The following CACNA1I variants were observed in gnomAD, a reference collection of about 807,000 sequenced individuals.
The protein encoded by CACNA1I is voltage-dependent T-type calcium channel subunit alpha-1I.
In CACNA1I, 74 loss-of-function variants were observed where a neutral mutation model predicts 201.6. The ratio of observed to expected loss-of-function variants is 0.37; its 90% CI spans 0.30 to 0.45. The LOEUF (loss-of-function observed/expected upper bound fraction) is 0.45. CACNA1I is among the 20% of genes least tolerant of loss of function. CACNA1I has a pLI of 1.00. For missense variants in CACNA1I, 2,346 were observed against 3,138.1 expected, an observed-to-expected ratio of 0.75 and a Z score of 6.03; for synonymous variants, 1,431 against 1,345.2, an observed-to-expected ratio of 1.06 and a Z score of -1.40.
Position 39,631,571 on chromosome 22 carries a change from C to T in CACNA1I, c.581-2994C>T, listed in dbSNP as rs533090686. On this transcript the variant is annotated intron_variant, in intron 4 of 36. Coordinates refer to ENST00000402142, the MANE Select transcript of CACNA1I (RefSeq NM_021096.4). ...ACTGCCTGGAGGAGGAGGGTTTGGC[C>T]GGGGGAAGGTGTGGTGGGAGATGAA... Among the ~76,000 whole-genome samples the T allele has an allele frequency of 2.6e-4, 39 of 152,182 alleles. No individual in the cohort carries two copies. In the East Asian group the frequency reaches 5.2e-3, roughly 20 times the overall value.
chr22:39,689,029 G>A lies in CACNA1I; in HGVS notation c.*2624G>A, dbSNP rs972921017. On this transcript the variant is annotated 3_prime_UTR_variant, in exon 37 of 37. Transcript: ENST00000402142. ...CTGGCCAGGACAAGTCAACATGGGT[G>A]AGGGTTGGGCAAAGGGCCCTTCCTT... 6.5e-6 allele frequency: 1 copy of A among 152,788 alleles called. No individual in the cohort carries two copies. Among genetic ancestry groups the A allele is most frequent in the African/African-American group, 2.4e-5 (1 of 41,472 alleles). 9.5% of individuals were successfully genotyped at this position (152,788 alleles called of 1,614,324 possible). A position where few individuals can be genotyped will look rare whatever the true frequency, so the allele number is the denominator to read the frequency against.
chr22:39,646,844 C>G lies in CACNA1I; in HGVS notation c.1425C>G (p.Ala475=). Residue 475 remains alanine (A), a synonymous_variant, in exon 8 of 37, where the codon GCC becomes GCG. Coordinates refer to ENST00000402142, the MANE Select transcript of CACNA1I (RefSeq NM_021096.4). ...TGGGCCCGGAGGCCCCGGCCCCCGCCAAACCTGGGCCCCACGCCAAGGAGC... is the reference window on the plus strand; with the variant it reads ...TGGGCCCGGAGGCCCCGGCCCCCGCGAAACCTGGGCCCCACGCCAAGGAGC... The part of the protein sequence containing the change: ...QALGPEAPAP[A]KPGPHAKEPR... 6.6e-7 allele frequency: 1 copy of G among 1,526,448 alleles called. No individual in the cohort carries two copies. Among genetic ancestry groups the G allele is most frequent in the Non-Finnish European group, 8.8e-7 (1 of 1,137,778 alleles). The allele number at this position is 1,526,448 out of a possible 1,614,324, so 94.6% of individuals were successfully genotyped here.
At chr22:39,662,481 A>G in intron 17 of CACNA1I, 46 bp downstream of exon 17, 1 of 1,323,662 alleles carries the variant, frequency 7.6e-7, no homozygotes, top group East Asian at 2.8e-5. Context: ...GTGGGATAGG[A>G]CAGAAGTGGG....
intron 3 of CACNA1I, among the ~76,000 whole-genome samples, chr22:39,618,691 T>C (rs981575129): frequency 3.3e-4 from 35 of 106,324 alleles, no homozygotes; most frequent in Middle Eastern, 9.5e-3. Flanking sequence ...GCTGAAGTCC[T>C]GGGGTGGGAG....
At chr22:39,574,671 T>C (rs1932288435) in intron 1 of CACNA1I, among the ~76,000 whole-genome samples, 1 of 143,284 alleles carries the variant, frequency 7.0e-6, no homozygotes. Context: ...TCAATAGTAG[T>C]AGTGTCCTTC....
At chr22:39,626,295 G>C (rs913493751) in intron 4 of CACNA1I, among the ~76,000 whole-genome samples, 1 of 152,306 alleles carries the variant, frequency 6.6e-6, no homozygotes, top group Middle Eastern at 3.4e-3. Context: ...TGGGTGTAGA[G>C]AGCTGCGTGC....
rs539582546 is a variant in CACNA1I, at chr22:39,618,321, G to A, written c.483-989G>A. 2.6e-5 allele frequency among the ~76,000 whole-genome samples: 4 copies of A among 151,714 alleles called. No individual in the cohort carries two copies. The South Asian group carries it at 8.3e-4, about 32-fold the overall frequency. ...TGCAGGTGTGTGATTATGTGCGTGT[G>A]TGTGATTGTGCAGGTGTGTGTTTGT... On this transcript the variant is annotated intron_variant, in intron 3 of 36. Coordinates refer to ENST00000402142, the MANE Select transcript of CACNA1I (RefSeq NM_021096.4).
rs1935416584 is a variant in CACNA1I, at chr22:39,673,027, C to T, written c.4728C>T (p.Ala1576=). 2 of 1,613,796 alleles carry T rather than the reference C, an allele frequency of 1.2e-6. No homozygotes were observed. Among genetic ancestry groups the T allele is most frequent in the South Asian group, 1.1e-5 (1 of 91,074 alleles). ...ITLEEIEINA[A]LPINPTIIRI... ...TGGAGGAGATCGAGATCAATGCGGC[C>T]CTGCCCATCAATCCCACCATCATCC... The change falls in exon 28 of 37, where the codon GCC becomes GCT. Residue 1576 remains alanine (A), a synonymous_variant. Coordinates refer to ENST00000402142, the MANE Select transcript of CACNA1I (RefSeq NM_021096.4).
chr22:39,598,110 G>T, intron 1 of CACNA1I, 41 bp from the exon 2 acceptor site: 1 of 1,306,914 alleles, frequency 7.7e-7, no homozygotes, highest in East Asian at 2.5e-5. Context: ...AGCCCCCACG[G>T]GCGATCCCAC....
chr22:39,594,476 G>A (rs1932856543), intron 1 of CACNA1I, among the ~76,000 whole-genome samples: 1 of 152,190 alleles, frequency 6.6e-6, no homozygotes, highest in African/African-American at 2.4e-5. Flanking sequence ...CAGGCTCGAA[G>A]GGGGCCCTGG....
At chr22:39,670,737 C>A in intron 25 of CACNA1I, 66 bp from the exon 26 acceptor site, 1 of 1,501,368 alleles carries the variant, frequency 6.7e-7, no homozygotes, top group Non-Finnish European at 9.3e-7. Flanking sequence ...GTCCTTTGTG[C>A]TCTGTGCCCT....
intron 1 of CACNA1I, among the ~76,000 whole-genome samples, chr22:39,578,771 T>A (rs1278150615): frequency 6.6e-6 from 1 of 152,200 alleles, no homozygotes; most frequent in Non-Finnish European, 1.5e-5. Flanking sequence ...ACTCGAGGTC[T>A]CCACCATCTG....
At position 39,672,288 on chromosome 22, in the gene CACNA1I, G is replaced by A. The variant is rs765321463; in HGVS notation, c.4629G>A (p.Leu1543=). The A allele has an allele frequency of 2.3e-5, 37 of 1,613,088 alleles. No homozygotes were observed. The highest frequency in any genetic ancestry group is 3.1e-5 in the Non-Finnish European group (36 of 1,179,368). Residue 1543 remains leucine (L), a synonymous_variant, in exon 27 of 37, where the codon CTG becomes CTA. Coordinates refer to ENST00000402142, the MANE Select transcript of CACNA1I (RefSeq NM_021096.4). Reference sequence around the variant, plus strand: ...TGCTGAAGCTGGTGGCATTTGGTCTGAGGCGCTTCTTCAAGGACCGGTGAG... The same window carrying A: ...TGCTGAAGCTGGTGGCATTTGGTCTAAGGCGCTTCTTCAAGGACCGGTGAG... The part of the protein sequence containing the change: ...EAVLKLVAFG[L]RRFFKDRWNQ...
At chr22:39,632,059 C>T (rs766346092) in intron 4 of CACNA1I, among the ~76,000 whole-genome samples, 27 of 152,008 alleles carry the variant, frequency 1.8e-4, no homozygotes, top group Non-Finnish European at 2.9e-4. Context: ...GGAAGCCAGC[C>T]GGATAGGTTT....
In CACNA1I at chr22:39,658,295, C is replaced by T; in HGVS notation, c.2136C>T (p.Val712=). ...NPYNIFDSII[V]IISIWEIVGQ... ...ACAACATCTTCGACAGCATCATTGT[C>T]ATCATCAGGTACCCCTCCCCCAACC... Residue 712 remains valine, a synonymous_variant, in exon 11 of 37, where the codon GTC becomes GTT. Transcript: ENST00000402142. The T allele has an allele frequency of 1.9e-6, 3 of 1,613,824 alleles. No individual in the cohort carries two copies. The highest frequency in any genetic ancestry group is 2.5e-6 in the Non-Finnish European group (3 of 1,179,794).
chr22:39,592,861 C>T (rs890620196), intron 1 of CACNA1I, among the ~76,000 whole-genome samples: 11 of 152,212 alleles, frequency 7.2e-5, no homozygotes, highest in African/African-American at 2.7e-4. Context: ...TGACTCCCCC[C>T]GCCACCCTCC....
At chr22:39,668,261 C>G (rs773018722) in intron 23 of CACNA1I, 31 bp from the exon 24 acceptor site, 2 of 1,401,804 alleles carry the variant, frequency 1.4e-6, no homozygotes, top group Non-Finnish European at 2.0e-6. Context: ...ACAGTCCTCA[C>G]CCCTGCATTC....
intron 2 of CACNA1I, among the ~76,000 whole-genome samples, chr22:39,599,811 G>A (rs1932985206): frequency 6.6e-6 from 1 of 152,116 alleles, no homozygotes; most frequent in Admixed American, 6.5e-5. Flanking sequence ...CACTGGCCTA[G>A]CCCTGGCACA....
intron 23 of CACNA1I, among the ~76,000 whole-genome samples, chr22:39,667,202 G>A (rs1331657239): frequency 6.6e-6 from 1 of 152,228 alleles, no homozygotes; most frequent in African/African-American, 2.4e-5. Flanking sequence ...GAATGTAGGA[G>A]CCTCCTGTGC....
Sources: allele counts gnomAD v4.1 joint callset (sites outside exome capture counted in the v4.1 genomes callset), GRCh38; gene constraint gnomAD v4.1.1; transcripts MANE v1.5; gene names NCBI Gene and HGNC (gene_info 2026-07-23, HGNC 2026-07-21).